Variants in L3MBTL3 observed in about 807,000 individuals in gnomAD.
The protein encoded by L3MBTL3 is lethal(3)malignant brain tumor-like protein 3.
In L3MBTL3, 27 loss-of-function variants were observed where a neutral mutation model predicts 102.3. The ratio of observed to expected loss-of-function variants is 0.26; its 90% confidence interval spans 0.19 to 0.36. L3MBTL3 has a LOEUF of 0.36. L3MBTL3 is among the 10% of genes least tolerant of loss of function. The pLI is 1.00. For missense variants in L3MBTL3, 798 were observed against 955.3 expected (o/e 0.84, Z 2.17); for synonymous variants, 340 against 320.9 (o/e 1.06, Z -0.64).
At chr6:130,095,898 A>G (rs546162443) in intron 18 of L3MBTL3, among the ~76,000 whole-genome samples, 2 of 152,306 alleles carry the variant, frequency 1.3e-5, no homozygotes, top group South Asian at 2.1e-4. Flanking sequence ...TCACCTCTGT[A>G]TTGTCACAGT....
chr6:130,058,809 G>A (rs9388769), intron 9 of L3MBTL3, among the ~76,000 whole-genome samples: 83,338 of 151,722 alleles, frequency 0.55, 25,695 homozygotes, highest in East Asian at 0.76. Context: ...GCTTTGACCC[G>A]CAGACTGGAG....
chr6:130,077,668 A>G (rs1783042603), intron 13 of L3MBTL3, among the ~76,000 whole-genome samples: 1 of 152,194 alleles, frequency 6.6e-6, no homozygotes, highest in Admixed American at 6.5e-5. Context: ...TTGTTTCACT[A>G]TTCATAAGAC....
chr6:130,031,257 T>G (rs1779704780), intron 2 of L3MBTL3, among the ~76,000 whole-genome samples: 1 of 152,186 alleles, frequency 6.6e-6, no homozygotes, highest in African/African-American at 2.4e-5. Context: ...GGAGCTAGAT[T>G]AGAAGGTAGC....
At chr6:130,054,950 T>A in intron 7 of L3MBTL3, 1 of 477,166 alleles carries the variant, frequency 2.1e-6, no homozygotes, top group South Asian at 2.1e-5. Flanking sequence ...GCGGTGTCCA[T>A]GCCCTTCCAA....
intron 18 of L3MBTL3, among the ~76,000 whole-genome samples, chr6:130,099,597 G>C (rs914778020): frequency 3.9e-5 from 6 of 152,156 alleles, no homozygotes; most frequent in Admixed American, 3.9e-4. Context: ...AGTGACACAG[G>C]AGTCGTTCCA....
chr6:130,118,536 AG>A (rs1306515790), intron 19 of L3MBTL3, among the ~76,000 whole-genome samples: 1 of 152,218 alleles, frequency 6.6e-6, no homozygotes, highest in Non-Finnish European at 1.5e-5. Context: ...CTCTAGCTAA[AG>A]GAAACAGCAC....
At chr6:130,120,319 G>A (rs11154522) in intron 19 of L3MBTL3, among the ~76,000 whole-genome samples, 49,398 of 151,938 alleles carry the variant, frequency 0.33, 8,371 homozygotes, top group Non-Finnish European at 0.37. Flanking sequence ...CCATTTTGGA[G>A]CATCTCTGGC....
chr6:130,044,400 T>A (rs1562261228), intron 3 of L3MBTL3, among the ~76,000 whole-genome samples: 2 of 152,074 alleles, frequency 1.3e-5, no homozygotes, highest in African/African-American at 4.8e-5. Flanking sequence ...TGGCTTTTTT[T>A]AAAAAAAACT....
At chr6:130,032,308 G>A (rs561102997) in intron 2 of L3MBTL3, among the ~76,000 whole-genome samples, 55 of 152,242 alleles carry the variant, frequency 3.6e-4, no homozygotes, top group African/African-American at 1.2e-3. Context: ...CTAGAGTAGC[G>A]TCTGCTGTTG....
intron 18 of L3MBTL3, among the ~76,000 whole-genome samples, chr6:130,097,227 G>A (rs1194243728): frequency 1.3e-5 from 2 of 152,304 alleles, no homozygotes; most frequent in Non-Finnish European, 2.9e-5. Context: ...TTACTGTGTC[G>A]TGGATATTCT....
rs1373560303 is a variant in L3MBTL3, at chr6:130,036,109, C to T, written c.-15-6576C>T. Reference sequence around the variant, plus strand: ...ATTTCTAAGTACTGAAAAAATTTACCGAGTCTCAGGAACACGAATTGTTGA... The same window carrying T: ...ATTTCTAAGTACTGAAAAAATTTACTGAGTCTCAGGAACACGAATTGTTGA... On this transcript the variant is annotated intron_variant, in intron 2 of 22. Coordinates refer to ENST00000361794, the MANE Select transcript of L3MBTL3 (RefSeq NM_032438.4). Among the ~76,000 whole-genome samples the T allele has an allele frequency of 2.6e-5, 4 of 151,810 alleles. No homozygotes were observed. The East Asian group carries it at 5.8e-4, about 22-fold the overall frequency.
chr6:130,021,950 A>G (rs771054177), intron 1 of L3MBTL3, among the ~76,000 whole-genome samples: 1 of 152,220 alleles, frequency 6.6e-6, no homozygotes, highest in South Asian at 2.1e-4. Flanking sequence ...ATTAAAGTTG[A>G]CTCAAATGAT....
chr6:130,065,083 C>G (rs1453756489), intron 10 of L3MBTL3, among the ~76,000 whole-genome samples: 2 of 152,000 alleles, frequency 1.3e-5, no homozygotes, highest in African/African-American at 2.4e-5. Flanking sequence ...ACTCTGTTCT[C>G]TCTGGGGGGA....
chr6:130,119,872 GTTAA>G (rs1418916846), intron 19 of L3MBTL3, among the ~76,000 whole-genome samples: 2 of 152,138 alleles, frequency 1.3e-5, no homozygotes, highest in Admixed American at 6.5e-5. Flanking sequence ...GTGTCATTGT[GTTAA>G]TTATTATATT....
intron 1 of L3MBTL3, among the ~76,000 whole-genome samples, chr6:130,021,712 A>G (rs892558484): frequency 7.2e-5 from 11 of 152,202 alleles, no homozygotes; most frequent in Non-Finnish European, 1.2e-4. Context: ...AGGCAATTTT[A>G]TATAGTTTCT....
intron 5 of L3MBTL3, among the ~76,000 whole-genome samples, chr6:130,050,394 T>A (rs1287014762): frequency 6.6e-6 from 1 of 152,254 alleles, no homozygotes; most frequent in East Asian, 1.9e-4. Context: ...CATGCTTTCT[T>A]GCCTTTACTC....
intron 20 of L3MBTL3, among the ~76,000 whole-genome samples, chr6:130,127,219 C>A (rs1369490768): frequency 6.6e-6 from 1 of 152,134 alleles, no homozygotes; most frequent in African/African-American, 2.4e-5. Flanking sequence ...GATGAGACTT[C>A]TAAGTTGGCA....
At position 130,046,768 on chromosome 6, in the gene L3MBTL3, T is replaced by G. The variant is rs535697078; in HGVS notation, c.103-2514T>G. Among the ~76,000 whole-genome samples the G allele has an allele frequency of 3.6e-3, 556 of 152,348 alleles. 4 individuals carry two copies. The highest frequency in any genetic ancestry group is 6.6e-3 in the Non-Finnish European group (451 of 68,026). ...AAAGAACTAATGATTTAAAGAAATA[T>G]AAACAAAGGTGAAATTTCCATCATT... On this transcript the variant is annotated intron_variant, in intron 3 of 22. Transcript: ENST00000361794.
intron 16 of L3MBTL3, among the ~76,000 whole-genome samples, chr6:130,091,018 A>G (rs189265001): frequency 5.3e-5 from 8 of 151,416 alleles, no homozygotes; most frequent in Admixed American, 4.6e-4. Flanking sequence ...ATTTTTATAA[A>G]TTGAGGAAGA....
Sources: allele counts gnomAD v4.1 joint callset (sites outside exome capture counted in the v4.1 genomes callset), GRCh38; gene constraint gnomAD v4.1.1; transcripts MANE v1.5; gene names NCBI Gene and HGNC (gene_info 2026-07-23, HGNC 2026-07-21).